Variants in DDX21 observed in about 807,000 individuals in gnomAD.
DDX21 encodes the protein nucleolar RNA helicase 2.
In DDX21, 18 loss-of-function variants were observed where a neutral mutation model predicts 90.0. The observed-to-expected ratio is 0.20, with a 90% CI of 0.14 to 0.30. The LOEUF is 0.30. Ranked by LOEUF, DDX21 falls within the 10% of genes least tolerant of loss-of-function variation. DDX21 has a pLI of 1.00. For synonymous variants in DDX21, 294 were observed against 318.0 expected (o/e 0.92, Z 0.80); for missense variants, 673 against 944.5 (o/e 0.71, Z 3.77).
intron 10 of DDX21, among the ~76,000 whole-genome samples, chr10:68,974,270 A>G (rs534036344): frequency 2.0e-5 from 3 of 152,202 alleles, no homozygotes; most frequent in East Asian, 3.8e-4. Context: ...TCCTCCCCCA[A>G]ATATGTAACC....
chr10:68,983,816 T>C lies in DDX21; in HGVS notation c.*1004T>C, dbSNP rs527851812. The C allele has an allele frequency of 6.6e-6, 1 of 152,296 alleles. No individual in the cohort carries two copies. Among genetic ancestry groups the C allele is most frequent in the Non-Finnish European group, 1.5e-5 (1 of 68,028 alleles). 9.4% of individuals were successfully genotyped at this position (152,296 alleles called of 1,614,324 possible). A position where few individuals can be genotyped will look rare whatever the true frequency, so the allele number is the denominator to read the frequency against. ...AAGTATGATTTGGATGATAAAGCATTGTTTTAATGGTGAAAACTTCACAGA... is the reference window on the plus strand; with the variant it reads ...AAGTATGATTTGGATGATAAAGCATCGTTTTAATGGTGAAAACTTCACAGA... On this transcript the variant is annotated 3_prime_UTR_variant, in exon 15 of 15. Coordinates refer to ENST00000354185, the MANE Select transcript of DDX21 (RefSeq NM_004728.4).
chr10:68,979,929 T>C (rs1273852329), intron 13 of DDX21, among the ~76,000 whole-genome samples: 2 of 152,170 alleles, frequency 1.3e-5, no homozygotes, highest in African/African-American at 4.8e-5. Flanking sequence ...CCTCAGTGCA[T>C]GCTGAACCTA....
chr10:68,981,407 A>C, intron 13 of DDX21, 130 bp from the exon 14 acceptor site: 1 of 806,264 alleles, frequency 1.2e-6, no homozygotes, highest in Non-Finnish European at 2.0e-6. Flanking sequence ...AAGTTCATCT[A>C]AAATTATACC....
intron 1 of DDX21, chr10:68,956,513 A>C (rs949833106): frequency 7.0e-7 from 1 of 1,428,374 alleles, no homozygotes; most frequent in Non-Finnish European, 9.2e-7. Flanking sequence ...CGACCGAGCC[A>C]GGTCCGCCGT....
chr10:68,960,924 C>T (rs1167014459), intron 2 of DDX21, among the ~76,000 whole-genome samples: 1 of 152,094 alleles, frequency 6.6e-6, no homozygotes, highest in African/African-American at 2.4e-5. Context: ...CCTAGTTTCC[C>T]TCTGAGGGGT....
intron 1 of DDX21, among the ~76,000 whole-genome samples, chr10:68,957,279 T>C (rs1842811608): frequency 6.6e-6 from 1 of 152,168 alleles, no homozygotes; most frequent in African/African-American, 2.4e-5. Context: ...TAAAGGCATG[T>C]GTTGCGGTGC....
intron 1 of DDX21, chr10:68,956,547 T>C: frequency 2.9e-6 from 4 of 1,373,598 alleles, no homozygotes; most frequent in Non-Finnish European, 3.8e-6. Context: ...CCTCTGAGCT[T>C]ATAGGCATCC....
chr10:68,968,885 T>G lies in DDX21; in HGVS notation c.1091-91T>G, dbSNP rs368970305. 35 of 1,459,206 alleles carry G rather than the reference T, an allele frequency of 2.4e-5. No individual in the cohort carries two copies. The African/African-American group carries it at 2.7e-4, about 11-fold the overall frequency. The allele number at this position is 1,459,206 out of a possible 1,614,324, so 90.4% of individuals were successfully genotyped here. On this transcript the variant is annotated intron_variant, in intron 6 of 14. Transcript: ENST00000354185. ...GCCTCAGGTGGTTGCTGGTGAACAT[T>G]GATGGACTGTGGAAGTATTAGGTTA...
At chr10:68,969,195 C>G (rs1842985914) in intron 7 of DDX21, 74 bp downstream of exon 7, 1 of 1,372,328 alleles carries the variant, frequency 7.3e-7, no homozygotes, top group Non-Finnish European at 9.9e-7. Context: ...TTAAGACTGG[C>G]AAATGCTCTT....
At chr10:68,959,598 C>CTA (rs899866283) in intron 1 of DDX21, among the ~76,000 whole-genome samples, 2 of 152,054 alleles carry the variant, frequency 1.3e-5, no homozygotes, top group African/African-American at 2.4e-5. Context: ...ATATACCCGT[C>CTA]TATATATATA....
intron 5 of DDX21, 59 bp from the exon 6 acceptor site, chr10:68,966,959 C>T: frequency 2.8e-6 from 4 of 1,415,920 alleles, no homozygotes; most frequent in South Asian, 2.6e-5. Flanking sequence ...ACTGTGGTAC[C>T]CCACACAGAT....
chr10:68,967,574 G>A (rs1023123269), intron 6 of DDX21, among the ~76,000 whole-genome samples: 20 of 151,926 alleles, frequency 1.3e-4, no homozygotes, highest in South Asian at 4.2e-4. Context: ...ATTACTCTGG[G>A]ATTAAAGCTG....
intron 11 of DDX21, among the ~76,000 whole-genome samples, chr10:68,976,444 C>T (rs985736412): frequency 2.0e-5 from 3 of 151,950 alleles, no homozygotes; most frequent in Admixed American, 6.6e-5. Context: ...CCTGCCACCA[C>T]GCCCAGCTAA....
chr10:68,971,172 T>C (rs376137441), intron 8 of DDX21, among the ~76,000 whole-genome samples: 2 of 151,932 alleles, frequency 1.3e-5, no homozygotes, highest in African/African-American at 4.8e-5. Context: ...GTTCAGTGGC[T>C]TTTAGCATAA....
chr10:68,966,648 G>A (rs1842942504), intron 5 of DDX21, among the ~76,000 whole-genome samples: 1 of 151,438 alleles, frequency 6.6e-6, no homozygotes, highest in Admixed American at 6.6e-5. Context: ...TCACCATGTT[G>A]GCCAGGCTGG....
rs754763018 is a variant in DDX21, at chr10:68,956,306, C to A, written c.81C>A (p.Thr27=). The change falls in exon 1 of 15, where the codon ACC becomes ACA. Residue 27 remains threonine (T), a synonymous_variant. Coordinates refer to ENST00000354185, the MANE Select transcript of DDX21 (RefSeq NM_004728.4). ...MKKGETLRKQ[T]EEKEKKEKPK... is the part of the protein sequence containing the mutation. ...AAGGGGAGACACTGCGAAAGCAAACCGAGGAGGTGAAACGGAGGGACCTGG... is the reference window on the plus strand; with the variant it reads ...AAGGGGAGACACTGCGAAAGCAAACAGAGGAGGTGAAACGGAGGGACCTGG... 5 of 1,614,042 alleles carry A rather than the reference C, an allele frequency of 3.1e-6. No individual in the cohort carries two copies. In the Admixed American group the frequency reaches 6.7e-5, roughly 22 times the overall value.
At chr10:68,963,497 AGTCAGCAT>A in intron 4 of DDX21, 28 bp downstream of exon 4, 1 of 1,580,094 alleles carries the variant, frequency 6.3e-7, no homozygotes, top group Non-Finnish European at 8.6e-7. Context: ...AAGGGCTCTC[AGTCAGCAT>A]AGGAAAAACC....
At position 68,960,203 on chromosome 10, in the gene DDX21, A is replaced by T. The variant is rs1237840230; in HGVS notation, c.485A>T (p.Asn162Ile). Residue 162 changes from asparagine to isoleucine, a missense_variant, in exon 2 of 15, where the codon AAC (asparagine) becomes ATC (isoleucine). Physicochemically the swap from Asn to Ile is moderately radical, Grantham distance 149. This residue lies in a region of DDX21 where 204 missense variants were observed against 221.6 expected (regional missense o/e 0.92). Transcript: ENST00000354185. ...NGFPHPEPDC[N>I]PSEAASEESN... ...TTTCCTCATCCTGAACCGGACTGTA[A>T]CCCCAGTGAAGCTGCCAGTGAAGAA... The T allele has an allele frequency of 6.2e-7, 1 of 1,609,318 alleles. No homozygotes were observed. Among genetic ancestry groups the T allele is most frequent in the Non-Finnish European group, 8.5e-7 (1 of 1,178,894 alleles).
chr10:68,981,590 T>C lies in DDX21; in HGVS notation c.2082+9T>C, dbSNP rs1226865118. ...CAGTAACAGAAATACAGGTATTCTT[T>C]TCCCTTAGATTTTAAAGTTAACATA... On this transcript the variant is annotated intron_variant, in intron 14 of 14. Coordinates refer to ENST00000354185, the MANE Select transcript of DDX21 (RefSeq NM_004728.4). 1.5e-5 allele frequency: 24 copies of C among 1,603,914 alleles called. No homozygotes were observed. The highest frequency in any genetic ancestry group is 2.0e-5 in the Non-Finnish European group (24 of 1,172,648).
Sources: allele counts gnomAD v4.1 joint callset (sites outside exome capture counted in the v4.1 genomes callset), GRCh38; gene constraint gnomAD v4.1.1; regional missense constraint gnomAD v4.1.1; transcripts MANE v1.5; gene names NCBI Gene and HGNC (gene_info 2026-07-23, HGNC 2026-07-21).